PRKAR2A: variants seen among roughly 807,000 people sequenced by gnomAD.
PRKAR2A encodes the protein protein kinase cAMP-dependent type II regulatory subunit alpha.
In PRKAR2A, 29 loss-of-function variants were observed where a neutral mutation model predicts 51.9. The observed-to-expected ratio is 0.56, with a 90% confidence interval of 0.42 to 0.76. The LOEUF is 0.76. PRKAR2A is among the 30% of genes least tolerant of loss of function. The pLI, the probability that PRKAR2A is intolerant of heterozygous loss-of-function variation, is 0.00. For synonymous variants in PRKAR2A, 178 were observed against 186.2 expected (o/e 0.96, Z 0.36); for missense variants, 445 against 512.1 (o/e 0.87, Z 1.26).
intron 5 of PRKAR2A, among the ~76,000 whole-genome samples, chr3:48,780,746 G>A (rs577436840): frequency 5.3e-5 from 8 of 152,020 alleles, no homozygotes; most frequent in African/African-American, 1.7e-4. Context: ...GGCAACCAAT[G>A]TATCTAGTAC....
chr3:48,833,965 A>C (rs1432244939), intron 1 of PRKAR2A, among the ~76,000 whole-genome samples: 2 of 150,364 alleles, frequency 1.3e-5, no homozygotes, highest in East Asian at 3.9e-4. Flanking sequence ...TGAACCCGGG[A>C]GACAGGTTGT....
chr3:48,763,961 AG>A (rs754132840), intron 8 of PRKAR2A, among the ~76,000 whole-genome samples: 18 of 152,260 alleles, frequency 1.2e-4, no homozygotes, highest in Non-Finnish European at 2.5e-4. Flanking sequence ...ATCTCTTCCA[AG>A]GGAGCTTTTT....
At chr3:48,785,406 T>C (rs1172282548) in intron 4 of PRKAR2A, among the ~76,000 whole-genome samples, 1 of 152,044 alleles carries the variant, frequency 6.6e-6, no homozygotes, top group Non-Finnish European at 1.5e-5. Context: ...GATTACAGAA[T>C]GTGCCACCAT....
At chr3:48,803,658 T>C (rs942741302) in intron 2 of PRKAR2A, among the ~76,000 whole-genome samples, 25 of 152,070 alleles carry the variant, frequency 1.6e-4, no homozygotes, top group African/African-American at 6.0e-4. Context: ...ACTCCTGGCC[T>C]CAGGTGATCC....
Position 48,747,636 on chromosome 3 carries a change from T to C in PRKAR2A, c.*3949A>G, listed in dbSNP as rs905621320. ...TGAAGACTATTGACTAACAGGACAA[T>C]AGCACATGAACCTTTCCTTCAGAGA... On this transcript the variant is annotated 3_prime_UTR_variant, in exon 11 of 11. Coordinates refer to ENST00000265563, the MANE Select transcript of PRKAR2A (RefSeq NM_004157.4). The C allele has an allele frequency of 1.3e-5, 2 of 152,156 alleles. No homozygotes were observed. The highest frequency in any genetic ancestry group is 2.4e-5 in the African/African-American group (1 of 41,426). 9.4% of individuals were successfully genotyped at this position (152,156 alleles called of 1,614,324 possible).
At chr3:48,809,475 A>G (rs1355180762) in intron 1 of PRKAR2A, among the ~76,000 whole-genome samples, 1 of 151,662 alleles carries the variant, frequency 6.6e-6, no homozygotes, top group Admixed American at 6.6e-5. Context: ...GCACTCCTGT[A>G]ATCCTAGCTA....
intron 1 of PRKAR2A, among the ~76,000 whole-genome samples, chr3:48,826,891 A>C (rs2083077027): frequency 1.3e-5 from 2 of 152,006 alleles, no homozygotes; most frequent in African/African-American, 2.4e-5. Context: ...AAAAAAAAAA[A>C]AACAAAGTAA....
chr3:48,823,805 A>T (rs1302635891), intron 1 of PRKAR2A, among the ~76,000 whole-genome samples: 1 of 151,794 alleles, frequency 6.6e-6, no homozygotes, highest in Non-Finnish European at 1.5e-5. Context: ...AAAAAAAAGA[A>T]AAAAAATCTT....
rs2081586645 is a variant in PRKAR2A, at chr3:48,748,060, G to C, written c.*3525C>G. Reference sequence around the variant, plus strand: ...TCAAGCTATTAAATAGAACCCTCTAGGGATCCTGTATGCAGTGAGGGTCTG... The same window carrying C: ...TCAAGCTATTAAATAGAACCCTCTACGGATCCTGTATGCAGTGAGGGTCTG... On this transcript the variant is annotated 3_prime_UTR_variant, in exon 11 of 11. Coordinates refer to ENST00000265563, the MANE Select transcript of PRKAR2A (RefSeq NM_004157.4). 1 of 151,940 alleles carries C rather than the reference G, an allele frequency of 6.6e-6. No individual in the cohort carries two copies. Among genetic ancestry groups the C allele is most frequent in the African/African-American group, 2.4e-5 (1 of 41,348 alleles). 9.4% of individuals were successfully genotyped at this position (151,940 alleles called of 1,614,324 possible). A position where few individuals can be genotyped will look rare whatever the true frequency, so the allele number is the denominator to read the frequency against.
At chr3:48,753,329 T>C (rs529813658) in intron 9 of PRKAR2A, among the ~76,000 whole-genome samples, 101 of 152,052 alleles carry the variant, frequency 6.6e-4, no homozygotes, top group Non-Finnish European at 1.2e-3. Context: ...CTAACCAAAG[T>C]GATAATTTAA....
chr3:48,782,133 T>TA (rs1322415788), intron 5 of PRKAR2A, among the ~76,000 whole-genome samples: 1 of 152,166 alleles, frequency 6.6e-6, no homozygotes, highest in Non-Finnish European at 1.5e-5. Flanking sequence ...CTTTCAGGAC[T>TA]AAGGAGATCA....
At chr3:48,789,452 C>A (rs1437042910) in intron 4 of PRKAR2A, among the ~76,000 whole-genome samples, 1 of 151,030 alleles carries the variant, frequency 6.6e-6, no homozygotes, top group Non-Finnish European at 1.5e-5. Flanking sequence ...CTTTTTCCTT[C>A]TTCACAGTTT....
chr3:48,792,861 G>A (rs537867866), intron 3 of PRKAR2A, among the ~76,000 whole-genome samples: 42 of 151,928 alleles, frequency 2.8e-4, no homozygotes, highest in Non-Finnish European at 5.6e-4. Context: ...CCCAGGAGGC[G>A]GAGGTTGCAG....
intron 3 of PRKAR2A, among the ~76,000 whole-genome samples, chr3:48,793,783 C>T (rs536907115): frequency 1.2e-4 from 18 of 152,132 alleles, no homozygotes; most frequent in African/African-American, 2.9e-4. Context: ...TGAGCCACCA[C>T]GCCCAGCCTG....
At chr3:48,794,154 C>CT (rs368082715) in intron 2 of PRKAR2A, 105 bp from the exon 3 acceptor site, 78,092 of 641,842 alleles carry the variant, frequency 0.12, 29 homozygotes, top group East Asian at 0.17. Flanking sequence ...GTTTTCTTTT[C>CT]TTTTTTTTTT....
rs967191337 is a variant in PRKAR2A at position 48,800,765 on chromosome 3, C to A, written c.299-6716G>T. On this transcript the variant is annotated intron_variant, in intron 2 of 10. Transcript: ENST00000265563. Reference sequence around the variant, plus strand: ...CTCGGCTCACTGCAAGCTCCACCTCCCGGGTTCACGCCATTCTCCTGCCTC... The same window carrying A: ...CTCGGCTCACTGCAAGCTCCACCTCACGGGTTCACGCCATTCTCCTGCCTC... Among the ~76,000 whole-genome samples the A allele has an allele frequency of 3.2e-4, 48 of 152,140 alleles. 1 individual carries two copies. Among genetic ancestry groups the A allele is most frequent in the Admixed American group, 2.8e-3 (43 of 15,284 alleles).
intron 8 of PRKAR2A, among the ~76,000 whole-genome samples, chr3:48,758,249 C>G (rs2081804375): frequency 6.8e-6 from 1 of 146,158 alleles, no homozygotes; most frequent in Admixed American, 6.9e-5. Flanking sequence ...AAGAGTCAGA[C>G]TCCATCTCAA....
Position 48,847,507 on chromosome 3 carries a change from G to T in PRKAR2A, c.90C>A (p.Val30=). 6.4e-7 allele frequency: 1 copy of T among 1,558,746 alleles called. No homozygotes were observed. Among genetic ancestry groups the T allele is most frequent in the Non-Finnish European group, 8.7e-7 (1 of 1,152,000 alleles). The change falls in exon 1 of 11, where the codon GTC becomes GTA. Residue 30 remains valine (V), a synonymous_variant. Transcript: ENST00000265563. This position sits in a 1 kb window ranked among gnomAD's most constrained non-coding sequence, Gnocchi z 4.4. Reference sequence around the variant, plus strand: ...GGGTGAAGTACTCCACTGCGAATTCGACGAGGTCAGGCGGCTGCTGTCGCA... The same window carrying T: ...GGGTGAAGTACTCCACTGCGAATTCTACGAGGTCAGGCGGCTGCTGTCGCA... ...EVLRQQPPDL[V]EFAVEYFTRL... is the part of the protein sequence containing the mutation.
At chr3:48,792,546 C>G (rs560843630) in intron 3 of PRKAR2A, among the ~76,000 whole-genome samples, 2 of 146,132 alleles carry the variant, frequency 1.4e-5, no homozygotes, top group Non-Finnish European at 3.0e-5. Context: ...ACCACAACCT[C>G]GGCCTCCCAG....
Sources: allele counts gnomAD v4.1 joint callset (sites outside exome capture counted in the v4.1 genomes callset), GRCh38; gene constraint gnomAD v4.1.1; non-coding constraint Gnocchi (gnomAD v3.1); transcripts MANE v1.5; gene names NCBI Gene and HGNC (gene_info 2026-07-23, HGNC 2026-07-21).